SEC22B: variants seen among roughly 807,000 people sequenced by gnomAD.
SEC22B encodes SEC22 homolog B, vesicle trafficking protein, also known as vesicle-trafficking protein SEC22b.
SEC22B carries 10 observed loss-of-function variants against 31.4 expected under a neutral mutation model. The ratio of observed to expected loss-of-function variants is 0.32; its 90% CI spans 0.20 to 0.54. SEC22B has a LOEUF of 0.54. Ranked by LOEUF, SEC22B falls within the 20% of genes least tolerant of loss-of-function variation. The pLI is 0.94. For missense variants in SEC22B, 130 were observed against 263.4 expected, an observed-to-expected ratio of 0.49 and a Z score of 3.50; for synonymous variants, 60 against 95.9, an observed-to-expected ratio of 0.63 and a Z score of 2.19.
intron 3 of SEC22B, among the ~76,000 whole-genome samples, chr1:120,160,897 CA>C (rs1358538530): frequency 0.25 from 34,635 of 137,788 alleles, 6,317 homozygotes; most frequent in African/African-American, 0.54. Flanking sequence ...GTCTCAAAAA[CA>C]AAAAAAAAAA....
intron 3 of SEC22B, among the ~76,000 whole-genome samples, chr1:120,161,369 G>T (rs1235581048): frequency 1.3e-5 from 2 of 151,214 alleles, no homozygotes; most frequent in African/African-American, 4.9e-5. Context: ...TATGTAATAG[G>T]GAGTTTTCCA....
At chr1:120,170,512 A>C (rs1201938640) in intron 1 of SEC22B, among the ~76,000 whole-genome samples, 1 of 149,860 alleles carries the variant, frequency 6.7e-6, no homozygotes, top group South Asian at 2.1e-4. Context: ...AATTTCAATA[A>C]GAATAAGAAG....
chr1:120,161,983 G>C (rs1353166307), intron 3 of SEC22B, among the ~76,000 whole-genome samples: 52 of 136,382 alleles, frequency 3.8e-4, no homozygotes, highest in African/African-American at 1.8e-3. Flanking sequence ...CCCAACAGTA[G>C]GGAAGAAGGA....
At chr1:120,159,915 C>G (rs1657685967) in intron 4 of SEC22B, among the ~76,000 whole-genome samples, 1 of 150,550 alleles carries the variant, frequency 6.6e-6, no homozygotes, top group Non-Finnish European at 1.5e-5. Flanking sequence ...ATAACAATGG[C>G]TGACTGACGG....
rs1347190152 is a variant in SEC22B, at chr1:120,157,095, T to G, written c.591A>C (p.Ala197=). The G allele has an allele frequency of 1.9e-6, 3 of 1,587,130 alleles. No individual in the cohort carries two copies. The Admixed American group carries it at 5.1e-5, about 27-fold the overall frequency. Residue 197 remains alanine, a synonymous_variant, in exon 5 of 5, where the codon GCA becomes GCC. Coordinates refer to ENST00000578049, the MANE Select transcript of SEC22B (RefSeq NM_004892.6). ...LNMRSTYAKL[A]AVAVFFIMLI... The stretch of plus-strand genomic sequence containing the variant: ...ACATGATGAAAAATACAGCTACTGC[T>G]GCAAGTTTGGCATAAGTGGAACGCA...
intron 4 of SEC22B, among the ~76,000 whole-genome samples, chr1:120,159,905 A>G (rs1334972786): frequency 2.0e-5 from 3 of 151,124 alleles, no homozygotes; most frequent in African/African-American, 4.9e-5. Flanking sequence ...CAAGCTCTCA[A>G]TAACAATGGC....
chr1:120,166,391 T>C (rs1223491704), intron 2 of SEC22B, among the ~76,000 whole-genome samples: 149 of 98,276 alleles, frequency 1.5e-3, no homozygotes, highest in African/African-American at 4.5e-3. Flanking sequence ...TTTAAAAGTG[T>C]TTTTTACACA....
rs1482216247 is a variant in SEC22B at position 120,153,186 on chromosome 1, CA to C, written c.*3851del. ...GAGATTCAATATGCTCATTCTATCT[CA>C]AACTCTGTCACACATACAATGACTG... On this transcript the variant is annotated 3_prime_UTR_variant, in exon 5 of 5. Coordinates refer to ENST00000578049, the MANE Select transcript of SEC22B (RefSeq NM_004892.6). 1 of 151,186 alleles carries C rather than the reference CA, an allele frequency of 6.6e-6. No homozygotes were observed. The highest frequency in any genetic ancestry group is 1.5e-5 in the Non-Finnish European group (1 of 67,966). 9.4% of individuals were successfully genotyped at this position (151,186 alleles called of 1,614,324 possible).
chr1:120,168,593 G>A (rs1161157856), intron 2 of SEC22B, among the ~76,000 whole-genome samples: 1 of 150,952 alleles, frequency 6.6e-6, no homozygotes, highest in Non-Finnish European at 1.5e-5. Flanking sequence ...CAGTCCTAAA[G>A]CAAGAAGTTA....
intron 1 of SEC22B, among the ~76,000 whole-genome samples, chr1:120,173,052 G>T (rs1472462867): frequency 1.3e-5 from 2 of 148,838 alleles, no homozygotes; most frequent in Non-Finnish European, 3.0e-5. Flanking sequence ...AGTTCAGTGG[G>T]TATCAATACC....
chr1:120,163,945 CTTTTTTTTTTTTT>C (rs1169530604), intron 2 of SEC22B, among the ~76,000 whole-genome samples: 6 of 68,918 alleles, frequency 8.7e-5, no homozygotes, highest in Admixed American at 6.3e-4. Flanking sequence ...ATTAGATTCT[CTTTTTTTTTTTTT>C]TTTTTTTTTT....
intron 1 of SEC22B, among the ~76,000 whole-genome samples, chr1:120,174,337 A>G (rs1657928550): frequency 1.3e-5 from 2 of 152,302 alleles, no homozygotes; most frequent in Non-Finnish European, 2.9e-5. Context: ...TATACTATTA[A>G]AATAGTAAAA....
In SEC22B at chr1:120,152,107, G is replaced by A. The variant is rs1441014202; in HGVS notation, c.*4931C>T. On this transcript the variant is annotated 3_prime_UTR_variant, in exon 5 of 5. Transcript: ENST00000578049. ...AAAAACAAGTTTGAAGGTATATTTG[G>A]GAGTTACCAGTAATATAGGTAACTG... 1 of 151,972 alleles carries A rather than the reference G, an allele frequency of 6.6e-6. No homozygotes were observed. The highest frequency in any genetic ancestry group is 1.9e-4 in the East Asian group (1 of 5,190). 9.4% of individuals were successfully genotyped at this position (151,972 alleles called of 1,614,324 possible). A position where few individuals can be genotyped will look rare whatever the true frequency, so the allele number is the denominator to read the frequency against.
rs1281307544 is a variant in SEC22B, at chr1:120,155,225, T to C, written c.*1813A>G. Reference sequence around the variant, plus strand: ...GAAGTGAACATTCTACAAGTATTTATTTCATTGCTGACCATTAGGTTGCAG... The same window carrying C: ...GAAGTGAACATTCTACAAGTATTTACTTCATTGCTGACCATTAGGTTGCAG... On this transcript the variant is annotated 3_prime_UTR_variant, in exon 5 of 5. Transcript: ENST00000578049. The C allele has an allele frequency of 6.6e-6, 1 of 152,114 alleles. No homozygotes were observed. The highest frequency in any genetic ancestry group is 2.4e-5 in the African/African-American group (1 of 41,444). The allele number at this position is 152,114 out of a possible 1,614,324, so 9.4% of individuals were successfully genotyped here. A position where few individuals can be genotyped will look rare whatever the true frequency, so the allele number is the denominator to read the frequency against.
chr1:120,165,098 TG>T (rs1225503457), intron 2 of SEC22B, among the ~76,000 whole-genome samples: 2 of 152,220 alleles, frequency 1.3e-5, no homozygotes, highest in Non-Finnish European at 2.9e-5. Flanking sequence ...TAAATGGGGT[TG>T]TTTTTTGCTT....
At chr1:120,163,131 A>C in intron 3 of SEC22B, 79 bp downstream of exon 3, 1 of 546,998 alleles carries the variant, frequency 1.8e-6, no homozygotes, top group Non-Finnish European at 3.1e-6. Context: ...AAAATGTATA[A>C]ATATTATATC....
chr1:120,160,345 G>A (rs1276518643), intron 4 of SEC22B, 39 bp downstream of exon 4: 3 of 1,504,142 alleles, frequency 2.0e-6, no homozygotes, highest in Non-Finnish European at 2.7e-6. Flanking sequence ...TCTATGGAAT[G>A]AGAACCATTT....
At chr1:120,165,317 C>T (rs1657789262) in intron 2 of SEC22B, among the ~76,000 whole-genome samples, 1 of 151,938 alleles carries the variant, frequency 6.6e-6, no homozygotes. Context: ...ATTTACAGTC[C>T]AGGAGAACTC....
At chr1:120,176,281 T>A in intron 1 of SEC22B, 26 bp downstream of exon 1, 1 of 1,601,496 alleles carries the variant, frequency 6.2e-7, no homozygotes, top group South Asian at 1.1e-5. Context: ...AGACTTGGGG[T>A]CGCGGGTCGT....
Sources: gnomAD v4.1 joint callset for allele counts (sites outside exome capture counted in the v4.1 genomes callset) on GRCh38, gnomAD v4.1.1 for gene constraint, MANE v1.5 for transcripts, NCBI Gene and HGNC (gene_info 2026-07-23, HGNC 2026-07-21) for gene names.